RASAL3: variants seen among roughly 807,000 people sequenced by gnomAD.
The protein encoded by RASAL3 is RAS protein activator like 3, also known as RAS protein activator like-3.
A neutral mutation model predicts 105.5 loss-of-function variants in RASAL3; 74 were observed. The observed-to-expected ratio is 0.70, with a 90% CI of 0.58 to 0.85. RASAL3 has a LOEUF of 0.85. RASAL3 is among the 40% of genes least tolerant of loss of function. The probability of loss-of-function intolerance (pLI) is 0.00; values close to 1 mark genes in which losing one functional copy is unlikely to be tolerated. For missense variants in RASAL3, 1,352 were observed against 1,392.0 expected (o/e 0.97, Z 0.46); for synonymous variants, 579 against 591.6 (o/e 0.98, Z 0.31).
In RASAL3 at chr19:15,464,504, C is replaced by T. The variant is rs964334809; in HGVS notation, c.-20+1G>A. 4.9e-6 allele frequency: 4 copies of T among 812,846 alleles called. No individual in the cohort carries two copies. Among genetic ancestry groups the T allele is most frequent in the African/African-American group, 1.7e-5 (1 of 58,372 alleles). 50.4% of individuals were successfully genotyped at this position (812,846 alleles called of 1,614,324 possible). On this transcript the variant is annotated splice_donor_variant, in intron 1 of 17. Coordinates refer to ENST00000343625, the MANE Select transcript of RASAL3 (RefSeq NM_022904.3). LOFTEE classifies it low-confidence loss of function (5UTR_SPLICE). ...GCCCCCACCTCCACTCCCTCCCTTA[C>T]CTTGGTTTCCTGACCAGCCCCAGAA...
chr19:15,455,857 C>T (rs1970297593), intron 11 of RASAL3, among the ~76,000 whole-genome samples: 1 of 152,058 alleles, frequency 6.6e-6, no homozygotes. Flanking sequence ...TGCTATGTTG[C>T]CCAGACTGGC....
Position 15,457,864 on chromosome 19 carries a change from G to T in RASAL3, c.889-30C>A, listed in dbSNP as rs771784944. 2 of 1,544,390 alleles carry T rather than the reference G, an allele frequency of 1.3e-6. No homozygotes were observed. Among genetic ancestry groups the T allele is most frequent in the Non-Finnish European group, 1.7e-6 (2 of 1,145,204 alleles). ...AGATGGGAGTGGGATGGGGGGAAGC[G>T]TTTTGGTTTGTTGGCACCCCAAAGA... On this transcript the variant is annotated intron_variant, in intron 8 of 17. Coordinates refer to ENST00000343625, the MANE Select transcript of RASAL3 (RefSeq NM_022904.3). This position sits in a 1 kb window ranked among gnomAD's most constrained non-coding sequence, Gnocchi z 8.6.
At chr19:15,463,722 G>A (rs1053445273) in intron 2 of RASAL3, among the ~76,000 whole-genome samples, 1 of 152,144 alleles carries the variant, frequency 6.6e-6, no homozygotes, top group South Asian at 2.1e-4. Flanking sequence ...AGGAAAGGAT[G>A]GGCCTGAGCC....
At chr19:15,458,921 C>T (rs930995117) in intron 6 of RASAL3, among the ~76,000 whole-genome samples, 5 of 150,466 alleles carry the variant, frequency 3.3e-5, no homozygotes, top group African/African-American at 1.2e-4. Context: ...GCCTCCCTGG[C>T]CTTGTTTTAT....
intron 6 of RASAL3, among the ~76,000 whole-genome samples, chr19:15,459,905 AC>A (rs1304181315): frequency 1.3e-5 from 2 of 151,252 alleles, no homozygotes; most frequent in East Asian, 2.0e-4. Flanking sequence ...TGCTTTTTCC[AC>A]CCCCCTGTTG....
At position 15,452,755 on chromosome 19, in the gene RASAL3, G is replaced by C. The variant is rs1190890320; in HGVS notation, c.2731C>G (p.Leu911Val). The change falls in exon 16 of 18, where the codon CTC (leucine) becomes GTC (valine). Residue 911 changes from leucine to valine, a missense_variant. Around this residue, in one of 3 missense-constraint regions of RASAL3, gnomAD observed 920 missense variants for 919.6 expected, o/e 1.00. Transcript: ENST00000343625. ...ATTTGGGTGCTCAGCGACTCCACGAGGCGGGACAGCACTTTCTGCTCCTCA... is the reference window on the plus strand; with the variant it reads ...ATTTGGGTGCTCAGCGACTCCACGACGCGGGACAGCACTTTCTGCTCCTCA... The part of the protein sequence containing the change: ...LREEQKVLSR[L>V]VESLSTQIRA... 2 of 1,562,108 alleles carry C rather than the reference G, an allele frequency of 1.3e-6. No homozygotes were observed. The highest frequency in any genetic ancestry group is 4.8e-5 in the East Asian group (2 of 41,858).
chr19:15,452,507 A>G (rs564625562), intron 16 of RASAL3, 151 bp downstream of exon 16: 13 of 701,378 alleles, frequency 1.9e-5, no homozygotes, highest in Admixed American at 1.0e-4. Context: ...GGGCTTGCCA[A>G]GAGGCAGGGC....
intron 5 of RASAL3, 32 bp downstream of exon 5, chr19:15,461,028 C>A (rs370066058): frequency 6.2e-7 from 1 of 1,607,804 alleles, no homozygotes; most frequent in Non-Finnish European, 8.5e-7. Flanking sequence ...TTGGCTCTCC[C>A]CTCTACCTCC....
In RASAL3 at chr19:15,454,430, A is replaced by G. The variant is rs754231951; in HGVS notation, c.2091T>C (p.Ser697=). The G allele has an allele frequency of 1.2e-6, 2 of 1,613,876 alleles. No individual in the cohort carries two copies. The highest frequency in any genetic ancestry group is 1.7e-5 in the Admixed American group (1 of 59,996). ...CAGCTAACTGGAGGGCCAGATCACC[A>G]CTGCCCTGGTAACCACTGGGGGCAG... ...VDAAPSGYQG[S]GDLALQLAVL... is the part of the protein sequence containing the mutation. The change falls in exon 13 of 18, where the codon AGT becomes AGC. Residue 697 remains serine, a synonymous_variant. Coordinates refer to ENST00000343625, the MANE Select transcript of RASAL3 (RefSeq NM_022904.3).
chr19:15,461,371 C>T, intron 3 of RASAL3, 75 bp from the exon 4 acceptor site: 1 of 1,533,540 alleles, frequency 6.5e-7, no homozygotes, highest in South Asian at 1.2e-5. Flanking sequence ...GAGGGAGAGG[C>T]AGACACCTTC....
chr19:15,457,983 A>T lies in RASAL3; in HGVS notation c.889-149T>A, dbSNP rs1970382078. On this transcript the variant is annotated intron_variant, in intron 8 of 17. Coordinates refer to ENST00000343625, the MANE Select transcript of RASAL3 (RefSeq NM_022904.3). This position sits in a 1 kb window ranked among gnomAD's most constrained non-coding sequence, Gnocchi z 8.6. ...TTGGGGAAAGAAGTGGAGCCACGGG[A>T]GTCCGGAGGCGGTTACGCGGAAGTC... 5.5e-6 allele frequency: 5 copies of T among 913,640 alleles called. No individual in the cohort carries two copies. The highest frequency in any genetic ancestry group is 8.1e-6 in the Non-Finnish European group (5 of 614,058). 56.6% of individuals were successfully genotyped at this position (913,640 alleles called of 1,614,324 possible). A position where few individuals can be genotyped will look rare whatever the true frequency, so the allele number is the denominator to read the frequency against.
intron 16 of RASAL3, 161 bp from the exon 17 acceptor site, chr19:15,452,269 C>A: frequency 1.4e-6 from 1 of 691,310 alleles, no homozygotes; most frequent in South Asian, 1.6e-5. Context: ...AGGGTCGGAC[C>A]AGAGACGGGA....
chr19:15,464,062 C>A lies in RASAL3; in HGVS notation c.297G>T (p.Glu99Asp). ...LWGRHKNPPP[E>D]PDPEPEQEAP... ...CCTCCTGCTCCGGCTCCGGGTCTGG[C>A]TCCGGCGGTGGGTTCTTATGCCTCC... Residue 99 changes from glutamate to aspartate, a missense_variant, in exon 2 of 18, where the codon GAG (glutamate) becomes GAT (aspartate). Transcript: ENST00000343625. 6.3e-7 allele frequency: 1 copy of A among 1,584,688 alleles called. No individual in the cohort carries two copies. The highest frequency in any genetic ancestry group is 8.6e-7 in the Non-Finnish European group (1 of 1,162,464).
At position 15,456,490 on chromosome 19, in the gene RASAL3, C is replaced by G. The variant is rs777386504; in HGVS notation, c.1576+12G>C. On this transcript the variant is annotated intron_variant, in intron 10 of 17. Transcript: ENST00000343625. This position sits in a 1 kb window ranked among gnomAD's most constrained non-coding sequence, Gnocchi z 4.4. ...CCAGCAGGCCGCTGACATGGACTCT[C>G]CCCCAGCTCACCCAGGGTCTCCTGG... The G allele has an allele frequency of 4.3e-6, 7 of 1,613,166 alleles. No individual in the cohort carries two copies. In the East Asian group the frequency reaches 1.3e-4, roughly 31 times the overall value.
intron 2 of RASAL3, among the ~76,000 whole-genome samples, chr19:15,463,029 C>T (rs1970559004): frequency 6.6e-6 from 1 of 151,812 alleles, no homozygotes; most frequent in Non-Finnish European, 1.5e-5. Context: ...ATCCATTACT[C>T]TTCTAGATCC....
chr19:15,461,577 G>A lies in RASAL3; in HGVS notation c.359C>T (p.Pro120Leu). 6.5e-7 allele frequency: 1 copy of A among 1,532,866 alleles called. No homozygotes were observed. The allele number at this position is 1,532,866 out of a possible 1,614,324, so 95.0% of individuals were successfully genotyped here. A position where few individuals can be genotyped will look rare whatever the true frequency, so the allele number is the denominator to read the frequency against. Residue 120 changes from proline to leucine, a missense_variant, in exon 3 of 18, where the codon CCT becomes CTT. Around this residue, in one of 3 missense-constraint regions of RASAL3, gnomAD observed 344 missense variants for 339.6 expected, o/e 1.01. Transcript: ENST00000343625. ...ELEPEPELEP[P>L]TPQIPEAPTP... ...GGGGGCCTCAGGGATCTGTGGGGTA[G>A]GGGGCTCCAGCTCTGGCTCCGGCTC... is the stretch of plus-strand genomic sequence containing the variant.
chr19:15,456,435 C>G lies in RASAL3; in HGVS notation c.1576+67G>C. ...CCAGAATCCAGGTTGCTCAAGGACT[C>G]TTAGAACTTCACCCAGGTCCCCTAG... On this transcript the variant is annotated intron_variant, in intron 10 of 17. Transcript: ENST00000343625. This position sits in a 1 kb window ranked among gnomAD's most constrained non-coding sequence, Gnocchi z 4.4. 6.3e-7 allele frequency: 1 copy of G among 1,595,282 alleles called. No individual in the cohort carries two copies. The highest frequency in any genetic ancestry group is 8.5e-7 in the Non-Finnish European group (1 of 1,169,824).
chr19:15,457,205 A>T lies in RASAL3; in HGVS notation c.1431+87T>A. On this transcript the variant is annotated intron_variant, in intron 9 of 17. Transcript: ENST00000343625. This position sits in a 1 kb window ranked among gnomAD's most constrained non-coding sequence, Gnocchi z 8.6. ...AGGTGTCTCCCCCATTACAGGTGCA[A>T]CTCAGGTCCTGCGCCCCAACTCCTG... 9.1e-7 allele frequency: 1 copy of T among 1,104,676 alleles called. No homozygotes were observed. Among genetic ancestry groups the T allele is most frequent in the Non-Finnish European group, 1.2e-6 (1 of 869,260 alleles). 68.4% of individuals were successfully genotyped at this position (1,104,676 alleles called of 1,614,324 possible).
At position 15,451,711 on chromosome 19, in the gene RASAL3, A is replaced by G; in HGVS notation, c.*84T>C. On this transcript the variant is annotated 3_prime_UTR_variant, in exon 18 of 18. Coordinates refer to ENST00000343625, the MANE Select transcript of RASAL3 (RefSeq NM_022904.3). ...CTCCACTCCCCACTGTAGGCCAAGT[A>G]GGGCTAAGGCAAAGTCAGACACCCC... The G allele has an allele frequency of 6.9e-7, 1 of 1,457,982 alleles. No homozygotes were observed. Among genetic ancestry groups the G allele is most frequent in the Non-Finnish European group, 9.3e-7 (1 of 1,075,636 alleles). 90.3% of individuals were successfully genotyped at this position (1,457,982 alleles called of 1,614,324 possible). A position where few individuals can be genotyped will look rare whatever the true frequency, so the allele number is the denominator to read the frequency against.
Sources: allele counts gnomAD v4.1 joint callset (sites outside exome capture counted in the v4.1 genomes callset), GRCh38; gene constraint gnomAD v4.1.1; regional missense constraint gnomAD v4.1.1; non-coding constraint Gnocchi (gnomAD v3.1); transcripts MANE v1.5; gene names NCBI Gene and HGNC (gene_info 2026-07-23, HGNC 2026-07-21).